Variants in MCMBP observed in about 807,000 individuals in gnomAD.
The protein encoded by MCMBP is mini-chromosome maintenance complex-binding protein.
In MCMBP, 31 loss-of-function variants were observed where a neutral mutation model predicts 81.3. The ratio of observed to expected loss-of-function variants is 0.38; its 90% CI spans 0.29 to 0.51. The LOEUF is 0.51. MCMBP is among the 20% of genes least tolerant of loss of function. The probability of loss-of-function intolerance (pLI) is 0.87; values close to 1 mark genes in which losing one functional copy is unlikely to be tolerated. For synonymous variants in MCMBP, 267 were observed against 275.9 expected (o/e 0.97, Z 0.32); for missense variants, 645 against 772.1 (o/e 0.84, Z 1.95).
chr10:119,842,075 A>G (rs1852454458), intron 10 of MCMBP, among the ~76,000 whole-genome samples: 2 of 152,136 alleles, frequency 1.3e-5, no homozygotes, highest in Non-Finnish European at 2.9e-5. Context: ...CAGGAGCGCG[A>G]ACCCTATTGT....
rs565584077 is a variant in MCMBP, at chr10:119,871,642, TC to T, written c.58+884del. Among the ~76,000 whole-genome samples the T allele has an allele frequency of 2.1e-3, 319 of 152,254 alleles. 1 individual carries two copies. The highest frequency in any genetic ancestry group is 0.014 in the Middle Eastern group (4 of 294). On this transcript the variant is annotated intron_variant, in intron 1 of 15. Transcript: ENST00000369077. ...TCTCTAGTACCCCAAGATGTTTTTT[TC>T]AATGAGCTAAGGCCGCTCTACAACT...
chr10:119,859,775 C>T, intron 2 of MCMBP, 24 bp downstream of exon 2: 1 of 1,548,994 alleles, frequency 6.5e-7, no homozygotes, highest in South Asian at 1.1e-5. Flanking sequence ...CAACCCTCTC[C>T]CTCGAAAATA....
intron 14 of MCMBP, among the ~76,000 whole-genome samples, chr10:119,835,196 T>G (rs1589774047): frequency 6.6e-6 from 1 of 152,328 alleles, no homozygotes; most frequent in South Asian, 2.1e-4. Context: ...AAAGTCTTTG[T>G]ATAATATAAT....
chr10:119,849,369 G>A, intron 7 of MCMBP, 56 bp downstream of exon 7: 1 of 1,545,020 alleles, frequency 6.5e-7, no homozygotes, highest in Non-Finnish European at 8.8e-7. Flanking sequence ...CAGACACTAA[G>A]CTACTTTCTG....
At chr10:119,848,786 GTTTTA>G (rs1472600390) in intron 7 of MCMBP, among the ~76,000 whole-genome samples, 1 of 152,148 alleles carries the variant, frequency 6.6e-6, no homozygotes, top group Non-Finnish European at 1.5e-5. Context: ...TCTTCCTTCT[GTTTTA>G]TTTTAAATAT....
intron 1 of MCMBP, among the ~76,000 whole-genome samples, chr10:119,862,908 C>T (rs542286097): frequency 6.6e-6 from 1 of 152,320 alleles, no homozygotes; most frequent in South Asian, 2.1e-4. Flanking sequence ...GCTAACAATG[C>T]TGAACTCTTC....
At chr10:119,870,965 T>C (rs1853649777) in intron 1 of MCMBP, among the ~76,000 whole-genome samples, 1 of 152,196 alleles carries the variant, frequency 6.6e-6, no homozygotes, top group Non-Finnish European at 1.5e-5. Flanking sequence ...ATGAGATGTG[T>C]CCCTTAGGAT....
At chr10:119,842,765 T>TC (rs1722087165) in intron 9 of MCMBP, 170 bp from the exon 10 acceptor site, 1 of 631,610 alleles carries the variant, frequency 1.6e-6, no homozygotes, top group South Asian at 2.3e-5. Flanking sequence ...GTTTGCATCC[T>TC]CCTTTTTTTT....
At chr10:119,865,729 T>C (rs1589801563) in intron 1 of MCMBP, among the ~76,000 whole-genome samples, 1 of 152,056 alleles carries the variant, frequency 6.6e-6, no homozygotes, top group Non-Finnish European at 1.5e-5. Context: ...AGCAAATATA[T>C]GGATAAACAA....
chr10:119,829,572 TGTCCGTGTATATATAGGTGAGG>T lies in MCMBP; in HGVS notation c.*1880_*1901del, dbSNP rs1244603874. On this transcript the variant is annotated 3_prime_UTR_variant, in exon 16 of 16. Transcript: ENST00000369077. The stretch of plus-strand genomic sequence containing the variant: ...CTTACGTTAGAGCAACAAACTTGAC[TGTCCGTGTATATATAGGTGAGG>T]GACAAAGGGTTTCTGCAGCCAAGCA... The T allele has an allele frequency of 3.0e-4, 45 of 152,354 alleles. No individual in the cohort carries two copies. The highest frequency in any genetic ancestry group is 1.1e-3 in the African/African-American group (44 of 41,572). 9.4% of individuals were successfully genotyped at this position (152,354 alleles called of 1,614,324 possible). A position where few individuals can be genotyped will look rare whatever the true frequency, so the allele number is the denominator to read the frequency against.
chr10:119,863,457 C>CG (rs777444316), intron 1 of MCMBP, among the ~76,000 whole-genome samples: 1 of 152,042 alleles, frequency 6.6e-6, no homozygotes, highest in Non-Finnish European at 1.5e-5. Context: ...GAGGGCCAGG[C>CG]GGGGTGGCTC....
At chr10:119,861,491 A>G (rs1589798233) in intron 1 of MCMBP, among the ~76,000 whole-genome samples, 1 of 152,168 alleles carries the variant, frequency 6.6e-6, no homozygotes, top group East Asian at 1.9e-4. Flanking sequence ...TATAATGCAC[A>G]TTGAAGTTTA....
intron 1 of MCMBP, among the ~76,000 whole-genome samples, chr10:119,861,222 C>A (rs922163159): frequency 6.6e-6 from 1 of 152,192 alleles, no homozygotes; most frequent in Non-Finnish European, 1.5e-5. Flanking sequence ...GACTTCCAAA[C>A]ACGTTTACTT....
In MCMBP at chr10:119,842,549, A is replaced by G; in HGVS notation, c.1047T>C (p.Leu349=). 4 of 1,613,966 alleles carry G rather than the reference A, an allele frequency of 2.5e-6. No homozygotes were observed. Among genetic ancestry groups the G allele is most frequent in the Non-Finnish European group, 3.4e-6 (4 of 1,179,878 alleles). ...MSELSPVRAE[L]LGFLTHALLG... ...GAAGGGCATGAGTAAGGAACCCAAG[A>G]AGTTCTGCTCTGACTGGAGACAATT... Residue 349 remains leucine (L), a synonymous_variant, in exon 10 of 16, where the codon CTT becomes CTC. Transcript: ENST00000369077.
At chr10:119,836,475 T>G (rs1451711236) in intron 13 of MCMBP, among the ~76,000 whole-genome samples, 1 of 152,196 alleles carries the variant, frequency 6.6e-6, no homozygotes, top group African/African-American at 2.4e-5. Flanking sequence ...CCAGAGCATT[T>G]CACCACAAAG....
intron 6 of MCMBP, among the ~76,000 whole-genome samples, chr10:119,850,475 T>G (rs960724021): frequency 6.6e-6 from 1 of 152,056 alleles, no homozygotes; most frequent in South Asian, 2.1e-4. Context: ...ACAGGCCAGG[T>G]GCAGTGGCTC....
chr10:119,871,606 A>C (rs534088566), intron 1 of MCMBP, among the ~76,000 whole-genome samples: 3 of 152,238 alleles, frequency 2.0e-5, no homozygotes, highest in African/African-American at 7.2e-5. Flanking sequence ...TTAGCTTCCC[A>C]CTGCCTTTTC....
chr10:119,843,586 A>G (rs1417005745), intron 8 of MCMBP, among the ~76,000 whole-genome samples, 160 bp from the exon 9 acceptor site: 2 of 152,232 alleles, frequency 1.3e-5, no homozygotes, highest in Admixed American at 1.3e-4. Flanking sequence ...CTAAAGTGTT[A>G]CATCACACAG....
intron 14 of MCMBP, among the ~76,000 whole-genome samples, chr10:119,835,222 C>G (rs945087003): frequency 6.6e-6 from 1 of 152,088 alleles, no homozygotes; most frequent in African/African-American, 2.4e-5. Context: ...TGGCATTAGC[C>G]ACACAAATTT....
Sources: gnomAD v4.1 joint callset for allele counts (sites outside exome capture counted in the v4.1 genomes callset) on GRCh38, gnomAD v4.1.1 for gene constraint, MANE v1.5 for transcripts, NCBI Gene and HGNC (gene_info 2026-07-23, HGNC 2026-07-21) for gene names.